PARD3B: variants seen among roughly 807,000 people sequenced by gnomAD.
The protein encoded by PARD3B is partitioning defective 3 homolog B.
Under a neutral mutation model 130.2 loss-of-function variants are expected in PARD3B, and 103 were observed. The ratio of observed to expected loss-of-function variants is 0.79; its 90% CI spans 0.67 to 0.93. The LOEUF is 0.93. Among genes scored for constraint, PARD3B ranks in the 40% least tolerant of loss-of-function variants. The probability of loss-of-function intolerance (pLI) is 0.00; values close to 1 mark genes in which losing one functional copy is unlikely to be tolerated. For missense variants in PARD3B, 1,609 were observed against 1,499.2 expected (o/e 1.07, Z -1.21); for synonymous variants, 583 against 553.2 (o/e 1.05, Z -0.76).
rs1195227685 is a variant in PARD3B at position 205,575,023 on chromosome 2, C to T, written c.3260+21620C>T. ...CCCTTACTGGATGAGGAGAGAAAGC[C>T]ATTGCTCTAGCAAAGCAAGGCATGA... On this transcript the variant is annotated intron_variant, in intron 22 of 22. Transcript: ENST00000406610. This position sits in a 1 kb window ranked among gnomAD's most constrained non-coding sequence, Gnocchi z 4.6. Among the ~76,000 whole-genome samples, 3 of 151,200 alleles carry T rather than the reference C, an allele frequency of 2.0e-5. No homozygotes were observed. Among genetic ancestry groups the T allele is most frequent in the South Asian group, 4.2e-4 (2 of 4,766 alleles).
chr2:205,606,559 C>T (rs534382806), intron 22 of PARD3B, among the ~76,000 whole-genome samples: 111 of 152,112 alleles, frequency 7.3e-4, no homozygotes, highest in Non-Finnish European at 8.5e-4. Flanking sequence ...CCATCTTGGC[C>T]CCTCCCCACC....
intron 2 of PARD3B, among the ~76,000 whole-genome samples, chr2:204,869,905 A>G (rs967873693): frequency 1.4e-4 from 22 of 152,250 alleles, no homozygotes; most frequent in African/African-American, 4.6e-4. Context: ...TGTTTTCACA[A>G]TGGCTGCAGG....
At chr2:205,331,762 G>A (rs943608820) in intron 18 of PARD3B, among the ~76,000 whole-genome samples, 8 of 104,756 alleles carry the variant, frequency 7.6e-5, no homozygotes, top group African/African-American at 3.5e-4. Flanking sequence ...CAGCCTGGGC[G>A]ACAGAGTGAG....
rs995111093 is a variant in PARD3B at position 205,206,015 on chromosome 2, G to A, written c.2140+12695G>A. Among the ~76,000 whole-genome samples, 53 of 152,242 alleles carry A rather than the reference G, an allele frequency of 3.5e-4. 1 individual carries two copies. Among genetic ancestry groups the A allele is most frequent in the African/African-American group, 1.2e-3 (50 of 41,550 alleles). On this transcript the variant is annotated intron_variant, in intron 15 of 22. Transcript: ENST00000406610. ...TCTATTGTTTGGAATAGTTTCAGAA[G>A]GAATGGTATCAGCTCCTCTTTGTAC...
chr2:204,841,190 C>T (rs1385657878), intron 2 of PARD3B, among the ~76,000 whole-genome samples: 4 of 151,930 alleles, frequency 2.6e-5, no homozygotes. Context: ...GGTAAGGCTC[C>T]CTCCTTCTTA....
chr2:204,628,170 AACC>A (rs2034552525), intron 1 of PARD3B, among the ~76,000 whole-genome samples: 1 of 152,016 alleles, frequency 6.6e-6, no homozygotes, highest in Non-Finnish European at 1.5e-5. Flanking sequence ...TCTAATTATT[AACC>A]ACCCTTTTGA....
chr2:204,708,001 A>G (rs2038259568), intron 2 of PARD3B, among the ~76,000 whole-genome samples: 1 of 152,134 alleles, frequency 6.6e-6, no homozygotes, highest in Non-Finnish European at 1.5e-5. Flanking sequence ...TCTCTTGGTC[A>G]GTATCTCCCT....
intron 18 of PARD3B, among the ~76,000 whole-genome samples, chr2:205,373,495 C>T (rs964750187): frequency 3.3e-5 from 5 of 152,100 alleles, no homozygotes; most frequent in Non-Finnish European, 5.9e-5. Context: ...AACTATTAGA[C>T]TTCAAATAAA....
chr2:204,995,043 G>C (rs1364840510), intron 3 of PARD3B, among the ~76,000 whole-genome samples: 1 of 151,278 alleles, frequency 6.6e-6, no homozygotes, highest in Non-Finnish European at 1.5e-5. Flanking sequence ...CAACTTGCCA[G>C]TCTGTGTCTT....
In PARD3B at chr2:204,640,657, C is replaced by T. The variant is rs191664468; in HGVS notation, c.121-45524C>T. ...CTACACTTGCTGTGAATAGGTCCTTCATTAACTTGCCTTCAGTAACCCAGA... is the reference window on the plus strand; with the variant it reads ...CTACACTTGCTGTGAATAGGTCCTTTATTAACTTGCCTTCAGTAACCCAGA... On this transcript the variant is annotated intron_variant, in intron 1 of 22. Transcript: ENST00000406610. Among the ~76,000 whole-genome samples, 336 of 152,286 alleles carry T rather than the reference C, an allele frequency of 2.2e-3. 2 individuals are homozygous for T. The South Asian group carries it at 0.023, about 10-fold the overall frequency.
At chr2:205,501,867 A>T (rs2050170179) in intron 21 of PARD3B, among the ~76,000 whole-genome samples, 2 of 152,280 alleles carry the variant, frequency 1.3e-5, no homozygotes, top group South Asian at 4.1e-4. Context: ...TATGCCAAGT[A>T]AACGTGTAAC....
rs1021472931 is a variant in PARD3B, at chr2:205,485,349, A to G, written c.3045-14547A>G. Among the ~76,000 whole-genome samples, 4 of 152,194 alleles carry G rather than the reference A, an allele frequency of 2.6e-5. No homozygotes were observed. The East Asian group carries it at 5.8e-4, about 22-fold the overall frequency. On this transcript the variant is annotated intron_variant, in intron 20 of 22. Coordinates refer to ENST00000406610, the MANE Select transcript of PARD3B (RefSeq NM_001302769.2). ...AAATGATCAGTTTTCAAACTGAAAG[A>G]AAGTTTCAATGTCCCATTTCCCCCA...
chr2:204,976,190 G>A (rs550623487), intron 3 of PARD3B, among the ~76,000 whole-genome samples: 35 of 152,240 alleles, frequency 2.3e-4, no homozygotes, highest in Middle Eastern at 3.4e-3. Flanking sequence ...GTAGGCAATG[G>A]AATGTTTCCA....
chr2:204,554,868 G>A (rs1173506084), intron 1 of PARD3B, among the ~76,000 whole-genome samples: 2 of 152,176 alleles, frequency 1.3e-5, no homozygotes, highest in Admixed American at 6.5e-5. Context: ...CTTGCGAAGC[G>A]GGGCCTTGGC....
chr2:204,697,417 G>A (rs1166764012), intron 2 of PARD3B, among the ~76,000 whole-genome samples: 1 of 152,054 alleles, frequency 6.6e-6, no homozygotes, highest in Non-Finnish European at 1.5e-5. Context: ...CTAAGAAATC[G>A]GGCCAGTGGT....
intron 16 of PARD3B, among the ~76,000 whole-genome samples, chr2:205,290,802 C>G (rs996635324): frequency 1.3e-5 from 2 of 152,058 alleles, no homozygotes; most frequent in Non-Finnish European, 2.9e-5. Context: ...ATTATTAGGT[C>G]GTGATGCTGG....
At chr2:204,873,782 A>G (rs982884059) in intron 2 of PARD3B, among the ~76,000 whole-genome samples, 1 of 152,182 alleles carries the variant, frequency 6.6e-6, no homozygotes, top group Non-Finnish European at 1.5e-5. Context: ...AAACAAAAAT[A>G]TAGTAGGCAT....
intron 2 of PARD3B, among the ~76,000 whole-genome samples, chr2:204,862,750 C>T (rs1240986065): frequency 6.6e-6 from 1 of 152,180 alleles, no homozygotes; most frequent in Non-Finnish European, 1.5e-5. Context: ...ACTTTCCCCT[C>T]AGTTTAGTTT....
intron 1 of PARD3B, among the ~76,000 whole-genome samples, chr2:204,663,728 T>G (rs2035913873): frequency 6.6e-6 from 1 of 152,200 alleles, no homozygotes; most frequent in Non-Finnish European, 1.5e-5. Context: ...GTAGGGAAGA[T>G]TAATCTCGTT....
Sources: gnomAD v4.1 joint callset for allele counts (sites outside exome capture counted in the v4.1 genomes callset) on GRCh38, gnomAD v4.1.1 for gene constraint, Gnocchi (gnomAD v3.1) non-coding constraint, MANE v1.5 for transcripts, NCBI Gene and HGNC (gene_info 2026-07-23, HGNC 2026-07-21) for gene names.